Variants in PRMT8 observed in about 807,000 individuals in gnomAD.
PRMT8 encodes the protein protein arginine N-methyltransferase 8.
Under a neutral mutation model 47.1 loss-of-function variants are expected in PRMT8, and 7 were observed. The observed-to-expected ratio is 0.15, with a 90% confidence interval of 0.08 to 0.28. The LOEUF is 0.28. Ranked by LOEUF, PRMT8 falls within the 10% of genes least tolerant of loss-of-function variation. The probability of loss-of-function intolerance (pLI) is 1.00; values close to 1 mark genes in which losing one functional copy is unlikely to be tolerated. For synonymous variants in PRMT8, 188 were observed against 186.5 expected, an observed-to-expected ratio of 1.01 and a Z score of -0.07; for missense variants, 237 against 505.4, an observed-to-expected ratio of 0.47 and a Z score of 5.09.
At chr12:3,448,874 C>A (rs1864886825) in intron 1 of PRMT8, among the ~76,000 whole-genome samples, 1 of 152,058 alleles carries the variant, frequency 6.6e-6, no homozygotes, top group South Asian at 2.1e-4. Context: ...AGCTATTTAT[C>A]CTGATGCACT....
chr12:3,482,013 C>T (rs535707626), intron 1 of PRMT8, among the ~76,000 whole-genome samples: 1 of 152,200 alleles, frequency 6.6e-6, no homozygotes, highest in East Asian at 1.9e-4. Context: ...GTTATCCAAT[C>T]GGGGAAAGGA....
At chr12:3,525,536 T>C (rs545949776) in intron 1 of PRMT8, among the ~76,000 whole-genome samples, 8 of 152,330 alleles carry the variant, frequency 5.3e-5, no homozygotes, top group African/African-American at 1.9e-4. Flanking sequence ...CCCACAGATA[T>C]TCCTTGGGAA....
At chr12:3,438,770 A>G (rs1258255715) in intron 1 of PRMT8, among the ~76,000 whole-genome samples, 1 of 152,248 alleles carries the variant, frequency 6.6e-6, no homozygotes, top group Non-Finnish European at 1.5e-5. Flanking sequence ...AATGAGAAAA[A>G]TAAGAACAGA....
chr12:3,593,896 T>G lies in PRMT8; in HGVS notation c.*714T>G, dbSNP rs898502356. 3 of 152,918 alleles carry G rather than the reference T, an allele frequency of 2.0e-5. No homozygotes were observed. Among genetic ancestry groups the G allele is most frequent in the African/African-American group, 7.2e-5 (3 of 41,452 alleles). 9.5% of individuals were successfully genotyped at this position (152,918 alleles called of 1,614,324 possible). ...CTCTGTACTAGTTCTGGTCTCCTTT[T>G]GACTGGACTGTGGCTCTGAACCTTG... is the stretch of plus-strand genomic sequence containing the variant. On this transcript the variant is annotated 3_prime_UTR_variant, in exon 10 of 10. Coordinates refer to ENST00000382622, the MANE Select transcript of PRMT8 (RefSeq NM_019854.5). The surrounding 1 kb of genome is among the most constrained non-coding windows in gnomAD (Gnocchi z 4.8).
intron 1 of PRMT8, among the ~76,000 whole-genome samples, chr12:3,403,075 T>C (rs1864333607): frequency 6.6e-6 from 1 of 152,184 alleles, no homozygotes; most frequent in East Asian, 1.9e-4. Flanking sequence ...TAAATGCCCA[T>C]CAGTGATAGA....
rs1865442666 is a variant in PRMT8, at chr12:3,492,717, G to A, written c.75+1017G>A. Reference sequence around the variant, plus strand: ...CTGTAGTCACGAAGGGGATCAGCGTGGGCAGCCCCCTTACCTTCCTGGAGA... The same window carrying A: ...CTGTAGTCACGAAGGGGATCAGCGTAGGCAGCCCCCTTACCTTCCTGGAGA... On this transcript the variant is annotated intron_variant, in intron 1 of 9. Transcript: ENST00000382622. This position sits in a 1 kb window ranked among gnomAD's most constrained non-coding sequence, Gnocchi z 7.5. 6.6e-6 allele frequency among the ~76,000 whole-genome samples: 1 copy of A among 152,140 alleles called. No individual in the cohort carries two copies. The highest frequency in any genetic ancestry group is 1.5e-5 in the Non-Finnish European group (1 of 68,014).
chr12:3,467,039 C>A (rs1362857697), intron 1 of PRMT8, among the ~76,000 whole-genome samples: 1 of 151,846 alleles, frequency 6.6e-6, no homozygotes, highest in Non-Finnish European at 1.5e-5. Context: ...AGATCGAGAC[C>A]ATCTTGGCTA....
At chr12:3,586,486 CT>C (rs1165121105) in intron 8 of PRMT8, among the ~76,000 whole-genome samples, 2 of 152,212 alleles carry the variant, frequency 1.3e-5, no homozygotes, top group Non-Finnish European at 2.9e-5. Context: ...AACTTAGGTT[CT>C]GAAAGACATT....
chr12:3,424,171 C>T (rs1171625887), intron 1 of PRMT8, among the ~76,000 whole-genome samples: 2 of 152,182 alleles, frequency 1.3e-5, no homozygotes, highest in African/African-American at 4.8e-5. Flanking sequence ...TGTTTGTAAA[C>T]TTCTCCTCAA....
At chr12:3,559,849 TCCTGGGTTTGCTCAG>T (rs1454670380) in intron 4 of PRMT8, among the ~76,000 whole-genome samples, 14 of 152,276 alleles carry the variant, frequency 9.2e-5, no homozygotes, top group Non-Finnish European at 1.9e-4. Flanking sequence ...CCCTACCATT[TCCTGGGTTTGCTCAG>T]CCCCACCTCA....
At position 3,453,261 on chromosome 12, in the gene PRMT8, C is replaced by T. The variant is rs953502860; in HGVS notation, c.48+71819C>T. Among the ~76,000 whole-genome samples the T allele has an allele frequency of 2.2e-4, 33 of 152,124 alleles. No homozygotes were observed. The highest frequency in any genetic ancestry group is 7.5e-4 in the African/African-American group (31 of 41,386). On this transcript the variant is annotated intron_variant, in intron 1 of 9. Coordinates refer to the PRMT8 transcript ENST00000452611. The surrounding 1 kb of genome is among the most constrained non-coding windows in gnomAD (Gnocchi z 4.9). ...CCCCACGCCCCTCGCTCACTCTAGT[C>T]CTGGCTCCCTTTACACAGGCCTAAT...
intron 1 of PRMT8, among the ~76,000 whole-genome samples, chr12:3,477,030 C>T (rs549072766): frequency 1.1e-4 from 17 of 152,248 alleles, no homozygotes; most frequent in Admixed American, 9.2e-4. Flanking sequence ...TGACTATAGG[C>T]GAGACCTCAT....
chr12:3,466,147 G>C lies in PRMT8; in HGVS notation c.49-74459G>C, dbSNP rs71458061. ...TCTGCCAATCTCGGTTTAAGTCTGGGCATTGCCACTAATTTGCTGTGTGAG... is the reference window on the plus strand; with the variant it reads ...TCTGCCAATCTCGGTTTAAGTCTGGCCATTGCCACTAATTTGCTGTGTGAG... On this transcript the variant is annotated intron_variant, in intron 1 of 9. Coordinates refer to the PRMT8 transcript ENST00000452611. Among the ~76,000 whole-genome samples, 674 of 152,334 alleles carry C rather than the reference G, an allele frequency of 4.4e-3. 4 individuals are homozygous for C. The highest frequency in any genetic ancestry group is 0.014 in the Middle Eastern group (4 of 294).
chr12:3,475,891 T>C (rs1865207761), intron 1 of PRMT8, among the ~76,000 whole-genome samples: 1 of 152,206 alleles, frequency 6.6e-6, no homozygotes, highest in South Asian at 2.1e-4. Flanking sequence ...TGGAGAAGGG[T>C]CTGAGGAGTC....
At chr12:3,429,103 T>C (rs1183736243) in intron 1 of PRMT8, among the ~76,000 whole-genome samples, 1 of 152,202 alleles carries the variant, frequency 6.6e-6, no homozygotes, top group Non-Finnish European at 1.5e-5. Flanking sequence ...CTTGCCTCTG[T>C]CAGCTGCTTA....
At chr12:3,562,468 G>A (rs541016293) in intron 4 of PRMT8, among the ~76,000 whole-genome samples, 6 of 151,886 alleles carry the variant, frequency 4.0e-5, no homozygotes, top group African/African-American at 7.2e-5. Context: ...GAAGGCAAGC[G>A]AACAAACAAA....
At chr12:3,537,060 TCTTTAACA>T (rs966483896) in intron 1 of PRMT8, among the ~76,000 whole-genome samples, 7 of 152,222 alleles carry the variant, frequency 4.6e-5, no homozygotes, top group African/African-American at 1.4e-4. Flanking sequence ...GGATTTGTGC[TCTTTAACA>T]CTTCAAGTAC....
At chr12:3,540,084 C>T (rs1372787595) in intron 1 of PRMT8, among the ~76,000 whole-genome samples, 2 of 152,124 alleles carry the variant, frequency 1.3e-5, no homozygotes, top group African/African-American at 4.8e-5. Flanking sequence ...TTGTCTAATC[C>T]TCAGGACAAC....
At chr12:3,389,952 T>A (rs1157030356) in intron 1 of PRMT8, among the ~76,000 whole-genome samples, 2 of 152,256 alleles carry the variant, frequency 1.3e-5, no homozygotes, top group Admixed American at 6.5e-5. Flanking sequence ...GGTGGCTGCA[T>A]CCGCTGCAGG....
Sources: gnomAD v4.1 joint callset for allele counts (sites outside exome capture counted in the v4.1 genomes callset) on GRCh38, gnomAD v4.1.1 for gene constraint, Gnocchi (gnomAD v3.1) non-coding constraint, MANE v1.5 for transcripts, NCBI Gene and HGNC (gene_info 2026-07-23, HGNC 2026-07-21) for gene names.